The following TCF12 variants were observed in gnomAD, a reference collection of about 807,000 sequenced individuals.
TCF12 encodes the protein DNA-binding protein HTF4.
A neutral mutation model predicts 86.0 loss-of-function variants in TCF12; 45 were observed. That is an observed-to-expected ratio of 0.52 (90% CI 0.41 to 0.67). TCF12 has a LOEUF of 0.67. TCF12 is among the 30% of genes least tolerant of loss of function. The pLI is 0.00. For missense variants in TCF12, 881 were observed against 859.9 expected (o/e 1.02, Z -0.31); for synonymous variants, 330 against 299.6 (o/e 1.10, Z -1.05).
At position 57,014,679 on chromosome 15, in the gene TCF12, C is replaced by G. The variant is rs1016663366; in HGVS notation, c.149-49071C>G. ...GTACACCCTCCAGGTGGCAGCCTAC[C>G]TAAAGGGGTCTTAGGGGATTAAGAA... On this transcript the variant is annotated intron_variant, in intron 3 of 20. Coordinates refer to ENST00000333725, the MANE Select transcript of TCF12 (RefSeq NM_207037.2). 2.0e-5 allele frequency among the ~76,000 whole-genome samples: 3 copies of G among 152,040 alleles called. 1 individual carries two copies. The highest frequency in any genetic ancestry group is 4.4e-5 in the Non-Finnish European group (3 of 68,016).
intron 19 of TCF12, among the ~76,000 whole-genome samples, chr15:57,279,853 A>G (rs1323711353): frequency 6.8e-6 from 1 of 146,240 alleles, no homozygotes; most frequent in East Asian, 2.0e-4. Context: ...CTCTCGGGTC[A>G]TTATATGAGA....
intron 19 of TCF12, 47 bp downstream of exon 19, chr15:57,273,309 C>A: frequency 6.4e-7 from 1 of 1,570,510 alleles, no homozygotes; most frequent in Admixed American, 1.7e-5. Flanking sequence ...TTCAGATGGG[C>A]AGACATTTCT....
intron 4 of TCF12, among the ~76,000 whole-genome samples, chr15:57,066,064 C>T (rs1314185791): frequency 2.0e-5 from 3 of 152,080 alleles, no homozygotes; most frequent in Admixed American, 6.5e-5. Context: ...AGAAGTTTTT[C>T]GTATCATTTT....
chr15:57,248,108 A>C (rs1374688624), intron 13 of TCF12: 3 of 702,286 alleles, frequency 4.3e-6, no homozygotes, highest in Non-Finnish European at 7.8e-6. Flanking sequence ...CTTTCTTTTG[A>C]GAGTCTTTTA....
In TCF12 at chr15:56,937,013, A is replaced by G. The variant is rs536657241; in HGVS notation, c.148+15915A>G. On this transcript the variant is annotated intron_variant, in intron 3 of 20. Coordinates refer to ENST00000333725, the MANE Select transcript of TCF12 (RefSeq NM_207037.2). ...TTTTCCAGTTCTGTGAAGAATGATC[A>G]TGGTATTTTGATGGGAATTGCATTG... Among the ~76,000 whole-genome samples, 7 of 152,106 alleles carry G rather than the reference A, an allele frequency of 4.6e-5. No individual in the cohort carries two copies. The South Asian group carries it at 1.2e-3, about 27-fold the overall frequency.
At chr15:57,122,362 A>G (rs564611788) in intron 5 of TCF12, among the ~76,000 whole-genome samples, 1 of 152,326 alleles carries the variant, frequency 6.6e-6, no homozygotes, top group South Asian at 2.1e-4. Flanking sequence ...AAACAGAAAG[A>G]CAATGTAATT....
chr15:57,176,851 A>T (rs1295460369), intron 6 of TCF12, among the ~76,000 whole-genome samples: 1 of 152,236 alleles, frequency 6.6e-6, no homozygotes, highest in Non-Finnish European at 1.5e-5. Flanking sequence ...AAAGGAGGTT[A>T]TGTCAAAGAG....
Position 57,176,982 on chromosome 15 carries a change from C to T in TCF12, c.390+10516C>T, listed in dbSNP as rs186624914. On this transcript the variant is annotated intron_variant, in intron 6 of 20. Transcript: ENST00000333725. ...GTTGGAGTCACGAAGATTAAGAAGA[C>T]GTAAGACTAGCTCTTGGATTGATGT... is the stretch of plus-strand genomic sequence containing the variant. Among the ~76,000 whole-genome samples the T allele has an allele frequency of 8.5e-5, 13 of 152,154 alleles. No homozygotes were observed. The East Asian group carries it at 1.7e-3, about 20-fold the overall frequency.
intron 3 of TCF12, among the ~76,000 whole-genome samples, chr15:57,002,085 A>C (rs551750816): frequency 2.6e-5 from 4 of 152,218 alleles, no homozygotes; most frequent in African/African-American, 9.6e-5. Context: ...TTCATTGTCC[A>C]TGTTCAGAAG....
chr15:57,271,335 C>T (rs1005107896), intron 18 of TCF12, among the ~76,000 whole-genome samples: 10 of 152,194 alleles, frequency 6.6e-5, no homozygotes, highest in Admixed American at 2.0e-4. Flanking sequence ...CATCCCAGGT[C>T]GATCTCAGAC....
At chr15:56,985,629 A>G (rs2063145131) in intron 3 of TCF12, among the ~76,000 whole-genome samples, 1 of 152,188 alleles carries the variant, frequency 6.6e-6, no homozygotes, top group Admixed American at 6.5e-5. Flanking sequence ...CATGTAAATT[A>G]AGGTTACAGA....
At chr15:57,227,964 A>G (rs1597455301) in intron 8 of TCF12, among the ~76,000 whole-genome samples, 1 of 152,100 alleles carries the variant, frequency 6.6e-6, no homozygotes, top group East Asian at 1.9e-4. Flanking sequence ...GACTGTCATG[A>G]TACAAAATCA....
chr15:57,169,981 C>T (rs1274536026), intron 6 of TCF12, among the ~76,000 whole-genome samples: 1 of 152,176 alleles, frequency 6.6e-6, no homozygotes, highest in Non-Finnish European at 1.5e-5. Flanking sequence ...ATGTGTAGCG[C>T]TCTAATAAAA....
At chr15:57,253,956 T>C (rs1170671170) in intron 16 of TCF12, among the ~76,000 whole-genome samples, 2 of 152,200 alleles carry the variant, frequency 1.3e-5, no homozygotes, top group Non-Finnish European at 2.9e-5. Flanking sequence ...CAATTTTAGA[T>C]TAATCCACAA....
rs2061999693 is a variant in TCF12, at chr15:57,288,367, T to G, written c.*2222T>G. 1 of 152,664 alleles carries G rather than the reference T, an allele frequency of 6.6e-6. No individual in the cohort carries two copies. The allele number at this position is 152,664 out of a possible 1,614,324, so 9.5% of individuals were successfully genotyped here. ...CCATTGTTGGTTTATTGCAGATTTG[T>G]ATCCTGTGTCAAATTCAAGGTATTA... is the stretch of plus-strand genomic sequence containing the variant. On this transcript the variant is annotated 3_prime_UTR_variant, in exon 21 of 21. Coordinates refer to ENST00000333725, the MANE Select transcript of TCF12 (RefSeq NM_207037.2).
intron 3 of TCF12, 26 bp from the exon 4 acceptor site, chr15:57,063,724 T>A (rs774478340): frequency 4.1e-5 from 64 of 1,575,834 alleles, no homozygotes; most frequent in African/African-American, 5.4e-5. Flanking sequence ...TTTTTAGATA[T>A]ATCTTTTATT....
At chr15:57,062,432 CT>C (rs1377915020) in intron 3 of TCF12, among the ~76,000 whole-genome samples, 1 of 151,810 alleles carries the variant, frequency 6.6e-6, no homozygotes, top group African/African-American at 2.4e-5. Flanking sequence ...AGATACTCAT[CT>C]TTTGTATCAA....
intron 3 of TCF12, among the ~76,000 whole-genome samples, chr15:57,011,568 C>T (rs1480706308): frequency 6.6e-6 from 1 of 152,108 alleles, no homozygotes; most frequent in Non-Finnish European, 1.5e-5. Flanking sequence ...CTGTGTTTTA[C>T]AAAAGCATCT....
chr15:56,983,540 A>G (rs1363512241), intron 3 of TCF12, among the ~76,000 whole-genome samples: 4 of 152,192 alleles, frequency 2.6e-5, no homozygotes, highest in Admixed American at 2.6e-4. Context: ...GGTAAATACT[A>G]TATATTATGT....
Sources: allele counts gnomAD v4.1 joint callset (sites outside exome capture counted in the v4.1 genomes callset), GRCh38; gene constraint gnomAD v4.1.1; transcripts MANE v1.5; gene names NCBI Gene and HGNC (gene_info 2026-07-23, HGNC 2026-07-21).